The following PPP1R14C variants were observed in gnomAD, a reference collection of about 807,000 sequenced individuals.
The protein encoded by PPP1R14C is protein phosphatase 1 regulatory inhibitor subunit 14C, also known as protein phosphatase 1 regulatory subunit 14C.
PPP1R14C carries 16 observed loss-of-function variants against 20.4 expected under a neutral mutation model. The observed-to-expected ratio is 0.78, with a 90% CI of 0.53 to 1.19. The LOEUF (loss-of-function observed/expected upper bound fraction) is 1.19. Among genes scored for constraint, PPP1R14C ranks in the 50% most tolerant of loss-of-function variants. PPP1R14C has a pLI of 0.00. For missense variants in PPP1R14C, 211 were observed against 220.1 expected (o/e 0.96, Z 0.26); for synonymous variants, 91 against 91.0 (o/e 1.00, Z 0.00).
chr6:150,213,346 AACACACACACACAC>A (rs3049230), intron 1 of PPP1R14C, among the ~76,000 whole-genome samples: 3 of 149,304 alleles, frequency 2.0e-5, no homozygotes, highest in Admixed American at 6.7e-5. Flanking sequence ...TTTGTGTTGT[AACACACACACACAC>A]ACACACACAC....
At chr6:150,221,996 T>A (rs1191246984) in intron 3 of PPP1R14C, among the ~76,000 whole-genome samples, 1 of 151,956 alleles carries the variant, frequency 6.6e-6, no homozygotes, top group Non-Finnish European at 1.5e-5. Context: ...ACAAAGTTTC[T>A]CCATGTTGCC....
rs202146963 is a variant in PPP1R14C at position 150,188,852 on chromosome 6, AATT to A, written c.307-25885_307-25883del. Among the ~76,000 whole-genome samples the A allele has an allele frequency of 7.8e-3, 1,151 of 148,278 alleles. 19 individuals are homozygous for A. The highest frequency in any genetic ancestry group is 0.027 in the African/African-American group (1,076 of 40,274). ...TTTATTTTTTTATTTTTAATTTTTT[AATT>A]ATTATTTATTTATTAATTTTTTAGA... On this transcript the variant is annotated intron_variant, in intron 1 of 3. Transcript: ENST00000361131.
At position 150,188,018 on chromosome 6, in the gene PPP1R14C, C is replaced by G. The variant is rs189266726; in HGVS notation, c.307-26726C>G. On this transcript the variant is annotated intron_variant, in intron 1 of 3. Transcript: ENST00000361131. ...CCTTTTCAATATTTTTTCACTCACACAGAAGACTCAACAATGTAAAAAAAC... is the reference window on the plus strand; with the variant it reads ...CCTTTTCAATATTTTTTCACTCACAGAGAAGACTCAACAATGTAAAAAAAC... Among the ~76,000 whole-genome samples the G allele has an allele frequency of 7.2e-5, 11 of 152,246 alleles. No individual in the cohort carries two copies. The South Asian group carries it at 1.2e-3, about 17-fold the overall frequency.
intron 3 of PPP1R14C, among the ~76,000 whole-genome samples, chr6:150,228,595 C>A (rs1223467270): frequency 6.6e-6 from 1 of 152,146 alleles, no homozygotes; most frequent in African/African-American, 2.4e-5. Context: ...GTTGACTACC[C>A]ATGTGGCTGA....
At chr6:150,196,883 A>C (rs1340392751) in intron 1 of PPP1R14C, among the ~76,000 whole-genome samples, 1 of 152,206 alleles carries the variant, frequency 6.6e-6, no homozygotes, top group Non-Finnish European at 1.5e-5. Context: ...TTTATTCTAC[A>C]CTACTTGTCT....
chr6:150,183,483 T>C (rs745978902), intron 1 of PPP1R14C, among the ~76,000 whole-genome samples: 1 of 152,212 alleles, frequency 6.6e-6, no homozygotes, highest in Non-Finnish European at 1.5e-5. Context: ...AACATCTGAC[T>C]GCGGGTTCTA....
At chr6:150,173,231 T>C (rs866631946) in intron 1 of PPP1R14C, among the ~76,000 whole-genome samples, 16 of 152,174 alleles carry the variant, frequency 1.1e-4, no homozygotes, top group African/African-American at 3.6e-4. Flanking sequence ...CTGTCTCTTC[T>C]AGCATGTCTT....
intron 3 of PPP1R14C, among the ~76,000 whole-genome samples, chr6:150,241,713 C>A (rs1403779107): frequency 1.3e-5 from 2 of 152,138 alleles, no homozygotes; most frequent in African/African-American, 4.8e-5. Context: ...ATGGCGAAAC[C>A]CCATCTCTAC....
At chr6:150,197,863 GCCC>G (rs1777826180) in intron 1 of PPP1R14C, among the ~76,000 whole-genome samples, 2 of 129,976 alleles carry the variant, frequency 1.5e-5, no homozygotes, top group African/African-American at 3.3e-5. Context: ...GTGTGCCCCT[GCCC>G]GCCACAGTGG....
At chr6:150,244,264 G>T (rs9397777) in intron 3 of PPP1R14C, among the ~76,000 whole-genome samples, 1 of 151,464 alleles carries the variant, frequency 6.6e-6, no homozygotes, top group African/African-American at 2.4e-5. Context: ...TTTCTTGCCC[G>T]ATCCATTATA....
At chr6:150,202,714 C>T (rs1365510766) in intron 1 of PPP1R14C, among the ~76,000 whole-genome samples, 3 of 152,188 alleles carry the variant, frequency 2.0e-5, no homozygotes, top group Admixed American at 6.5e-5. Flanking sequence ...CATTGTATGA[C>T]TCACACCTGG....
In PPP1R14C at chr6:150,183,701, T is replaced by C. The variant is rs528818784; in HGVS notation, c.307-31043T>C. ...TAGTTTTTTGTATTTTTAGTAGAGATGGGGTTTCACCACCTTGGCCAGGCT... is the reference window on the plus strand; with the variant it reads ...TAGTTTTTTGTATTTTTAGTAGAGACGGGGTTTCACCACCTTGGCCAGGCT... On this transcript the variant is annotated intron_variant, in intron 1 of 3. Transcript: ENST00000361131. Among the ~76,000 whole-genome samples, 52 of 152,190 alleles carry C rather than the reference T, an allele frequency of 3.4e-4. 1 individual carries two copies. The South Asian group carries it at 9.8e-3, about 29-fold the overall frequency.
chr6:150,228,387 T>C (rs922890743), intron 3 of PPP1R14C, among the ~76,000 whole-genome samples: 3 of 152,178 alleles, frequency 2.0e-5, no homozygotes, highest in African/African-American at 7.2e-5. Flanking sequence ...GGAAAGGCTA[T>C]AGTCAAGGGA....
At chr6:150,230,422 C>T (rs184335167) in intron 3 of PPP1R14C, among the ~76,000 whole-genome samples, 2 of 152,192 alleles carry the variant, frequency 1.3e-5, no homozygotes, top group South Asian at 4.2e-4. Context: ...AGTAACTGAT[C>T]AGGGGCACAA....
At chr6:150,194,681 C>T in intron 1 of PPP1R14C, 1 of 985,386 alleles carries the variant, frequency 1.0e-6, no homozygotes, top group Middle Eastern at 5.2e-4. Flanking sequence ...CAGTTCTGTC[C>T]TTGGTGAATC....
intron 1 of PPP1R14C, among the ~76,000 whole-genome samples, chr6:150,190,555 T>C (rs1777729702): frequency 6.6e-6 from 1 of 151,990 alleles, no homozygotes; most frequent in South Asian, 2.1e-4. Context: ...GCCTCCCAAG[T>C]AGCTGGGACT....
In PPP1R14C at chr6:150,143,523, G is replaced by A. The variant is rs1207113755; in HGVS notation, c.306+25G>A. On this transcript the variant is annotated intron_variant, in intron 1 of 3. Coordinates refer to ENST00000361131, the MANE Select transcript of PPP1R14C (RefSeq NM_030949.3). This position sits in a 1 kb window ranked among gnomAD's most constrained non-coding sequence, Gnocchi z 5.6. ...GGTACCTGGGCGCGGGGCTGGGAGG[G>A]TCGGGGACCTCTCTAGCTCCTCTGT... The A allele has an allele frequency of 2.2e-6, 3 of 1,374,714 alleles. No individual in the cohort carries two copies. The highest frequency in any genetic ancestry group is 2.0e-5 in the Admixed American group (1 of 49,802). 85.2% of individuals were successfully genotyped at this position (1,374,714 alleles called of 1,614,324 possible).
At chr6:150,222,474 G>A (rs948705274) in intron 3 of PPP1R14C, among the ~76,000 whole-genome samples, 6 of 151,980 alleles carry the variant, frequency 3.9e-5, no homozygotes, top group Admixed American at 1.3e-4. Context: ...CGAAGTCCAC[G>A]GTTAACATTA....
intron 3 of PPP1R14C, among the ~76,000 whole-genome samples, chr6:150,225,163 A>AG (rs1778216897): frequency 6.6e-6 from 1 of 152,060 alleles, no homozygotes. Context: ...GGAAAAAAAA[A>AG]GAAGAAGAAA....
Sources: gnomAD v4.1 joint callset for allele counts (sites outside exome capture counted in the v4.1 genomes callset) on GRCh38, gnomAD v4.1.1 for gene constraint, Gnocchi (gnomAD v3.1) non-coding constraint, MANE v1.5 for transcripts, NCBI Gene and HGNC (gene_info 2026-07-23, HGNC 2026-07-21) for gene names.